Variants in DGKB observed in about 807,000 individuals in gnomAD.
DGKB encodes diacylglycerol kinase beta.
Under a neutral mutation model 114.3 loss-of-function variants are expected in DGKB, and 67 were observed. That is an observed-to-expected ratio of 0.59 (90% CI 0.48 to 0.72). DGKB has a LOEUF of 0.72. Ranked by LOEUF, DGKB falls within the 30% of genes least tolerant of loss-of-function variation. The probability of loss-of-function intolerance (pLI) is 0.00; values close to 1 mark genes in which losing one functional copy is unlikely to be tolerated. For missense variants in DGKB, 907 were observed against 975.2 expected, an observed-to-expected ratio of 0.93 and a Z score of 0.93; for synonymous variants, 398 against 323.1, an observed-to-expected ratio of 1.23 and a Z score of -2.49.
chr7:14,923,717 G>C (rs1265653392), intron 1 of DGKB, among the ~76,000 whole-genome samples: 1 of 151,846 alleles, frequency 6.6e-6, no homozygotes, highest in Non-Finnish European at 1.5e-5. Context: ...TGTCCTGGCC[G>C]GGCACGGTGG....
intron 1 of DGKB, among the ~76,000 whole-genome samples, chr7:14,930,957 A>G (rs1010445257): frequency 6.6e-6 from 1 of 152,078 alleles, no homozygotes; most frequent in African/African-American, 2.4e-5. Context: ...TTGTCTATTG[A>G]GATTATCATA....
chr7:14,193,187 A>AC (rs201120648), intron 23 of DGKB, among the ~76,000 whole-genome samples: 1 of 152,032 alleles, frequency 6.6e-6, no homozygotes, highest in East Asian at 1.9e-4. Flanking sequence ...AAAAAAAAAA[A>AC]AACAACTATA....
intron 20 of DGKB, among the ~76,000 whole-genome samples, chr7:14,530,888 C>T (rs888047573): frequency 4.0e-5 from 6 of 151,544 alleles, no homozygotes; most frequent in Non-Finnish European, 7.4e-5. Context: ...TTTATCTAGG[C>T]TATTTTCTTT....
intron 4 of DGKB, among the ~76,000 whole-genome samples, chr7:14,737,534 A>G (rs1404162994): frequency 2.0e-5 from 3 of 152,062 alleles, no homozygotes; most frequent in Non-Finnish European, 4.4e-5. Flanking sequence ...ATATCATTAG[A>G]CATAGTAAAT....
At chr7:14,813,264 A>C (rs1181052876) in intron 2 of DGKB, among the ~76,000 whole-genome samples, 2 of 152,214 alleles carry the variant, frequency 1.3e-5, no homozygotes, top group East Asian at 3.8e-4. Context: ...TATATAGATA[A>C]GCAGTAGTAA....
At chr7:14,557,412 A>G (rs1343951899) in intron 20 of DGKB, among the ~76,000 whole-genome samples, 1 of 151,670 alleles carries the variant, frequency 6.6e-6, no homozygotes, top group African/African-American at 2.4e-5. Context: ...TGTGTATTCT[A>G]TTTGTCATTT....
chr7:14,431,517 G>T (rs557584931), intron 21 of DGKB, among the ~76,000 whole-genome samples: 2 of 152,080 alleles, frequency 1.3e-5, no homozygotes, highest in South Asian at 4.2e-4. Context: ...ACCATGTCAC[G>T]AACCAAAGAA....
intron 23 of DGKB, among the ~76,000 whole-genome samples, chr7:14,320,866 T>C (rs1453781886): frequency 6.6e-6 from 1 of 152,148 alleles, no homozygotes; most frequent in Admixed American, 6.6e-5. Context: ...AAATAATTCA[T>C]GACCATTCTC....
chr7:14,796,559 A>G (rs1841435576), intron 2 of DGKB, among the ~76,000 whole-genome samples: 1 of 152,162 alleles, frequency 6.6e-6, no homozygotes, highest in African/African-American at 2.4e-5. Context: ...CAAAAGCATA[A>G]TCAAAGCAAT....
At chr7:14,616,009 T>G (rs1371748059) in intron 15 of DGKB, among the ~76,000 whole-genome samples, 1 of 151,164 alleles carries the variant, frequency 6.6e-6, no homozygotes, top group Non-Finnish European at 1.5e-5. Flanking sequence ...ATTAATATTT[T>G]TTAAATTTTA....
intron 1 of DGKB, among the ~76,000 whole-genome samples, chr7:14,954,296 A>T (rs1182813765): frequency 1.3e-5 from 2 of 152,004 alleles, no homozygotes. Context: ...GGTAAAGGGG[A>T]TGTAGAGCAT....
chr7:14,591,177 G>C (rs1032686603), intron 17 of DGKB, among the ~76,000 whole-genome samples: 1 of 152,084 alleles, frequency 6.6e-6, no homozygotes, highest in Non-Finnish European at 1.5e-5. Context: ...CACATTACAG[G>C]TCATCCTTCC....
intron 21 of DGKB, among the ~76,000 whole-genome samples, chr7:14,459,374 C>G (rs1832753277): frequency 6.6e-6 from 1 of 152,078 alleles, no homozygotes; most frequent in Non-Finnish European, 1.5e-5. Context: ...AGATGAATTG[C>G]TAACTAAAAT....
chr7:14,835,743 T>C (rs143906271), intron 2 of DGKB, among the ~76,000 whole-genome samples: 1 of 152,322 alleles, frequency 6.6e-6, no homozygotes, highest in African/African-American at 2.4e-5. Context: ...GAATCCTGGA[T>C]TCTAGCTTTT....
At chr7:14,781,939 A>T (rs1430506264) in intron 2 of DGKB, among the ~76,000 whole-genome samples, 1 of 152,232 alleles carries the variant, frequency 6.6e-6, no homozygotes, top group African/African-American at 2.4e-5. Context: ...AGGAAGACAC[A>T]GAGTTTTGCC....
At chr7:14,860,882 G>A (rs1189147476) in intron 1 of DGKB, among the ~76,000 whole-genome samples, 2 of 151,674 alleles carry the variant, frequency 1.3e-5, no homozygotes, top group South Asian at 4.2e-4. Context: ...CATTTTCTTA[G>A]GAAAATACAA....
chr7:14,764,121 A>G (rs971925632), intron 2 of DGKB, among the ~76,000 whole-genome samples: 11 of 151,970 alleles, frequency 7.2e-5, no homozygotes, highest in African/African-American at 2.7e-4. Context: ...GCATTTTTTC[A>G]GGAACTATAT....
chr7:14,813,434 G>A (rs566583510), intron 2 of DGKB, among the ~76,000 whole-genome samples: 218 of 152,262 alleles, frequency 1.4e-3, no homozygotes, highest in African/African-American at 4.9e-3. Flanking sequence ...CACAACCTCA[G>A]GCTAGCGGAG....
chr7:14,766,272 C>G (rs1836442528), intron 2 of DGKB, among the ~76,000 whole-genome samples: 1 of 151,882 alleles, frequency 6.6e-6, no homozygotes, highest in Admixed American at 6.6e-5. Context: ...AGATAGATTA[C>G]AAACATAATA....
Sources: gnomAD v4.1 joint callset for allele counts (sites outside exome capture counted in the v4.1 genomes callset) on GRCh38, gnomAD v4.1.1 for gene constraint, MANE v1.5 for transcripts, NCBI Gene and HGNC (gene_info 2026-07-23, HGNC 2026-07-21) for gene names.